The following REPS1 variants were observed in gnomAD, a reference collection of about 807,000 sequenced individuals.
REPS1 encodes ralBP1-associated Eps domain-containing protein 1.
In REPS1, 39 loss-of-function variants were observed where a neutral mutation model predicts 100.9. The ratio of observed to expected loss-of-function variants is 0.39; its 90% CI spans 0.30 to 0.50. REPS1 has a LOEUF of 0.50. Ranked by LOEUF, REPS1 falls within the 20% of genes least tolerant of loss-of-function variation. The pLI is 0.86. For missense variants in REPS1, 821 were observed against 968.5 expected, an observed-to-expected ratio of 0.85 and a Z score of 2.02; for synonymous variants, 324 against 340.3, an observed-to-expected ratio of 0.95 and a Z score of 0.53.
rs575312049 is a variant in REPS1, at chr6:138,948,999, G to A, written c.154-1086C>T. The stretch of plus-strand genomic sequence containing the variant: ...TGTCCTTCTGAAGAAATGTAAAAGG[G>A]CAAAGAGAATAAACAGGCAGGTTAA... On this transcript the variant is annotated intron_variant, in intron 1 of 19. Coordinates refer to ENST00000450536, the MANE Select transcript of REPS1 (RefSeq NM_001286611.2). Among the ~76,000 whole-genome samples the A allele has an allele frequency of 6.6e-5, 10 of 152,284 alleles. No individual in the cohort carries two copies. The South Asian group carries it at 2.1e-3, about 32-fold the overall frequency.
At chr6:138,949,638 A>T (rs966967628) in intron 1 of REPS1, among the ~76,000 whole-genome samples, 2 of 152,092 alleles carry the variant, frequency 1.3e-5, no homozygotes, top group African/African-American at 4.8e-5. Context: ...AGGTGAGAGG[A>T]TCATTTGAAC....
At chr6:138,911,559 G>A (rs1383812635) in intron 16 of REPS1, among the ~76,000 whole-genome samples, 188 bp from the exon 17 acceptor site, 1 of 152,242 alleles carries the variant, frequency 6.6e-6, no homozygotes, top group Admixed American at 6.5e-5. Context: ...GGGAGAGCAG[G>A]TAATAGATGT....
At chr6:138,962,198 C>T (rs920660178) in intron 1 of REPS1, among the ~76,000 whole-genome samples, 1 of 152,060 alleles carries the variant, frequency 6.6e-6, no homozygotes, top group East Asian at 1.9e-4. Context: ...AATAATGTCC[C>T]TTTGTGTCCT....
At chr6:138,952,007 G>T (rs1783069919) in intron 1 of REPS1, among the ~76,000 whole-genome samples, 1 of 152,096 alleles carries the variant, frequency 6.6e-6, no homozygotes, top group Non-Finnish European at 1.5e-5. Flanking sequence ...GCTCCCATTA[G>T]ATTTCTAACT....
intron 1 of REPS1, among the ~76,000 whole-genome samples, chr6:138,955,183 C>T (rs746813635): frequency 1.1e-4 from 17 of 152,018 alleles, no homozygotes; most frequent in Non-Finnish European, 2.2e-4. Flanking sequence ...GGTATGATGG[C>T]TCACACCTGT....
intron 7 of REPS1, among the ~76,000 whole-genome samples, 156 bp from the exon 8 acceptor site, chr6:138,941,645 A>T (rs1374778941): frequency 1.3e-5 from 2 of 152,228 alleles, no homozygotes; most frequent in Non-Finnish European, 2.9e-5. Context: ...TAGCAAATGT[A>T]GCAAAATGTT....
chr6:138,905,601 C>T (rs2698738), intron 19 of REPS1, among the ~76,000 whole-genome samples: 68,699 of 151,952 alleles, frequency 0.45, 15,740 homozygotes, highest in Admixed American at 0.55. Context: ...GAAATGTAGT[C>T]TCTTTATATG....
At position 138,944,535 on chromosome 6, in the gene REPS1, G is replaced by T; in HGVS notation, c.716C>A (p.Thr239Asn). ...AGGATGCATGGTTAAAAGAGTACTG[G>T]TTGGTGGAGTATCTGCAAAACTGAC... ...NWVSFADTPP[T>N]STLLTMHPAS... Residue 239 changes from threonine (T) to asparagine (N), a missense_variant, in exon 5 of 20, where the codon ACC (threonine) becomes AAC (asparagine). Physicochemically the swap from Thr to Asn is moderately conservative, Grantham distance 65. Transcript: ENST00000450536. The T allele has an allele frequency of 1.2e-6, 2 of 1,614,088 alleles. No homozygotes were observed. The highest frequency in any genetic ancestry group is 1.7e-6 in the Non-Finnish European group (2 of 1,179,934).
At chr6:138,959,248 A>C (rs994455682) in intron 1 of REPS1, among the ~76,000 whole-genome samples, 3 of 152,298 alleles carry the variant, frequency 2.0e-5, no homozygotes, top group Middle Eastern at 3.4e-3. Flanking sequence ...ATGAGACTGC[A>C]GGGAACGCTA....
At chr6:138,929,882 G>T in intron 9 of REPS1, 95 bp downstream of exon 9, 1 of 1,194,284 alleles carries the variant, frequency 8.4e-7, no homozygotes, top group South Asian at 1.3e-5. Flanking sequence ...AATTATGCAT[G>T]CATGCTGGAA....
intron 2 of REPS1, 85 bp downstream of exon 2, chr6:138,947,705 A>G (rs1782731664): frequency 1.6e-6 from 2 of 1,212,482 alleles, no homozygotes; most frequent in South Asian, 2.0e-5. Flanking sequence ...CTATAAGATC[A>G]GAAAGACACA....
chr6:138,916,676 T>C (rs1472762134), intron 13 of REPS1, among the ~76,000 whole-genome samples: 1 of 152,170 alleles, frequency 6.6e-6, no homozygotes, highest in Admixed American at 6.5e-5. Flanking sequence ...CCTATTAAGT[T>C]CTGGATTTTG....
chr6:138,962,829 T>C (rs1345817209), intron 1 of REPS1, among the ~76,000 whole-genome samples: 2 of 152,220 alleles, frequency 1.3e-5, no homozygotes, highest in East Asian at 3.8e-4. Context: ...GACCAACTCC[T>C]GACGCACAGT....
rs375415861 is a variant in REPS1, at chr6:138,912,871, G to C, written c.1865C>G (p.Pro622Arg). 6.8e-6 allele frequency: 11 copies of C among 1,613,978 alleles called. No homozygotes were observed. The highest frequency in any genetic ancestry group is 7.6e-6 in the Non-Finnish European group (9 of 1,180,002). ...GAAATCTGCAAAATTTGGTTGCTCT[G>C]GTATCTGCTGAGGTGAGGTACTAGT... ...THTSTSPQQIPEQPNFADFSQ... is the reference protein window; with the variant it reads ...THTSTSPQQIREQPNFADFSQ... The change falls in exon 16 of 20, where the codon CCA (proline) becomes CGA (arginine). Residue 622 changes from proline to arginine, a missense_variant. By Grantham distance (103) the Pro-to-Arg change is moderately radical. Around this residue, in one of 3 missense-constraint regions of REPS1, gnomAD observed 757 missense variants for 866.4 expected, o/e 0.87. Transcript: ENST00000450536.
chr6:138,942,346 C>A (rs982760695), intron 7 of REPS1, among the ~76,000 whole-genome samples: 1 of 152,186 alleles, frequency 6.6e-6, no homozygotes, highest in African/African-American at 2.4e-5. Flanking sequence ...TGTACTACAG[C>A]ACTCTATGCT....
chr6:138,943,554 A>G lies in REPS1; in HGVS notation c.939T>C (p.Phe313=), dbSNP rs1378638032. The G allele has an allele frequency of 1.3e-6, 2 of 1,590,556 alleles. No homozygotes were observed. The highest frequency in any genetic ancestry group is 1.7e-6 in the Non-Finnish European group (2 of 1,159,778). The change falls in exon 7 of 20, where the codon TTT becomes TTC. Residue 313 remains phenylalanine (F), a synonymous_variant. Transcript: ENST00000450536. ...CAAGAATAGGAAGTTTTGATTTTGT[A>G]AAAAACTCTTTAGCTGCAGATCCTG... ...FIPGSAAKEF[F]TKSKLPILEL...
chr6:138,935,205 A>C (rs1781729124), intron 8 of REPS1, among the ~76,000 whole-genome samples: 2 of 152,182 alleles, frequency 1.3e-5, no homozygotes, highest in African/African-American at 4.8e-5. Flanking sequence ...AATTGTTTTC[A>C]ATTAAAACCA....
intron 1 of REPS1, among the ~76,000 whole-genome samples, chr6:138,957,441 CAAGA>C (rs1314232967): frequency 6.6e-6 from 1 of 152,174 alleles, no homozygotes; most frequent in Non-Finnish European, 1.5e-5. Flanking sequence ...TCCAAACTAT[CAAGA>C]TCATGGAAAG....
At chr6:138,909,191 A>T (rs954670410) in intron 17 of REPS1, among the ~76,000 whole-genome samples, 1 of 152,238 alleles carries the variant, frequency 6.6e-6, no homozygotes, top group Non-Finnish European at 1.5e-5. Flanking sequence ...ACTCAAAAAT[A>T]CTAACATTCA....
Sources: gnomAD v4.1 joint callset for allele counts (sites outside exome capture counted in the v4.1 genomes callset) on GRCh38, gnomAD v4.1.1 for gene constraint, gnomAD v4.1.1 regional missense constraint, MANE v1.5 for transcripts, NCBI Gene and HGNC (gene_info 2026-07-23, HGNC 2026-07-21) for gene names.